The following UBAP2 variants were observed in gnomAD, a reference collection of about 807,000 sequenced individuals.
The protein encoded by UBAP2 is ubiquitin-associated protein 2.
Under a neutral mutation model 139.6 loss-of-function variants are expected in UBAP2, and 75 were observed. That is an observed-to-expected ratio of 0.54 (90% CI 0.45 to 0.65). The LOEUF is 0.65. UBAP2 is among the 30% of genes least tolerant of loss of function. The probability of loss-of-function intolerance (pLI) is 0.00; values close to 1 mark genes in which losing one functional copy is unlikely to be tolerated. For missense variants in UBAP2, 1,368 were observed against 1,369.6 expected (o/e 1.00, Z 0.02); for synonymous variants, 526 against 526.2 (o/e 1.00, Z 0.01).
At chr9:33,984,541 T>A (rs1039572396) in intron 6 of UBAP2, among the ~76,000 whole-genome samples, 6 of 151,136 alleles carry the variant, frequency 4.0e-5, no homozygotes, top group African/African-American at 1.2e-4. Flanking sequence ...CCAGGCATGG[T>A]GGGGCTCATG....
At position 33,954,510 on chromosome 9, in the gene UBAP2, C is replaced by T. The variant is rs375267735; in HGVS notation, c.867-1036G>A. 1.1e-4 allele frequency among the ~76,000 whole-genome samples: 17 copies of T among 152,258 alleles called. No individual in the cohort carries two copies. In the East Asian group the frequency reaches 3.1e-3, roughly 28 times the overall value. Reference sequence around the variant, plus strand: ...TGCCAGATGCACCGTATTACCTAACCTTGTAATGAATGCCATTGAATCCTT... The same window carrying T: ...TGCCAGATGCACCGTATTACCTAACTTTGTAATGAATGCCATTGAATCCTT... On this transcript the variant is annotated intron_variant, in intron 11 of 28. Transcript: ENST00000379238.
intron 6 of UBAP2, 127 bp downstream of exon 6, chr9:33,986,633 G>T: frequency 1.2e-6 from 1 of 814,530 alleles, no homozygotes; most frequent in South Asian, 1.5e-5. Flanking sequence ...GTAAACAAAT[G>T]ATCAGATTTT....
At chr9:33,991,741 T>C (rs1040179509) in intron 4 of UBAP2, among the ~76,000 whole-genome samples, 4 of 152,170 alleles carry the variant, frequency 2.6e-5, no homozygotes, top group African/African-American at 4.8e-5. Context: ...ATGAAAATAC[T>C]AGACAACTGT....
chr9:34,006,743 G>GTTC (rs1823255838), intron 2 of UBAP2, among the ~76,000 whole-genome samples: 1 of 151,978 alleles, frequency 6.6e-6, no homozygotes, highest in East Asian at 1.9e-4. Flanking sequence ...CAAAACTGAT[G>GTTC]TTCTACTCAA....
intron 2 of UBAP2, among the ~76,000 whole-genome samples, chr9:34,009,103 TTTTG>T (rs1379063543): frequency 1.3e-5 from 2 of 150,604 alleles, no homozygotes; most frequent in African/African-American, 4.9e-5. Flanking sequence ...TGGTGTTTTG[TTTTG>T]TTTTTTTTTT....
At chr9:33,942,822 G>A (rs1203553875) in intron 15 of UBAP2, among the ~76,000 whole-genome samples, 1 of 152,118 alleles carries the variant, frequency 6.6e-6, no homozygotes, top group African/African-American at 2.4e-5. Context: ...GCAAACATGT[G>A]GAGAAATTAG....
chr9:34,021,632 ATTTTTT>A (rs60522554), intron 1 of UBAP2, among the ~76,000 whole-genome samples: 2 of 126,776 alleles, frequency 1.6e-5, no homozygotes, highest in Admixed American at 8.3e-5. Context: ...AATCCATTTG[ATTTTTT>A]TTTTTTTTTT....
chr9:33,940,274 T>C (rs1825089404), intron 16 of UBAP2, among the ~76,000 whole-genome samples: 1 of 152,052 alleles, frequency 6.6e-6, no homozygotes, highest in Non-Finnish European at 1.5e-5. Flanking sequence ...CCAAGTAAGA[T>C]GCTGCAAATG....
rs374233416 is a variant in UBAP2 at position 33,926,238 on chromosome 9, A to G, written c.2511+379T>C. Among the ~76,000 whole-genome samples, 6 of 152,230 alleles carry G rather than the reference A, an allele frequency of 3.9e-5. No individual in the cohort carries two copies. In the East Asian group the frequency reaches 1.2e-3, roughly 29 times the overall value. ...CTATATGGTACTCTGAGGAAGAGGA[A>G]GACAGTATAAAACTCCAGGGCCACG... is the stretch of plus-strand genomic sequence containing the variant. On this transcript the variant is annotated intron_variant, in intron 22 of 28. Transcript: ENST00000379238.
intron 8 of UBAP2, among the ~76,000 whole-genome samples, chr9:33,970,966 C>A (rs2131052539): frequency 6.6e-6 from 1 of 152,216 alleles, no homozygotes; most frequent in Non-Finnish European, 1.5e-5. Context: ...CCATGCCCGG[C>A]TAATTTTTTG....
chr9:33,941,578 A>C (rs866252453), intron 16 of UBAP2, 71 bp downstream of exon 16: 3 of 1,288,156 alleles, frequency 2.3e-6, no homozygotes, highest in Middle Eastern at 3.8e-4. Flanking sequence ...TCCAAGAAGC[A>C]TAATTTAACC....
rs535737509 is a variant in UBAP2, at chr9:34,035,359, G to A, written c.-42+13466C>T. Among the ~76,000 whole-genome samples the A allele has an allele frequency of 1.7e-4, 25 of 150,948 alleles. 2 individuals carry two copies. In the South Asian group the frequency reaches 4.4e-3, roughly 27 times the overall value. On this transcript the variant is annotated intron_variant, in intron 1 of 28. Coordinates refer to ENST00000379238, the MANE Select transcript of UBAP2 (RefSeq NM_001370062.2). ...CTCTACAAAAGTACAAAAATTAGCC[G>A]GGCATGATGGCGGGTGCCTGTAATC...
intron 1 of UBAP2, among the ~76,000 whole-genome samples, chr9:34,036,715 G>A (rs567730192): frequency 3.3e-5 from 5 of 152,098 alleles, no homozygotes; most frequent in South Asian, 2.1e-4. Flanking sequence ...TACCATTTGC[G>A]CAGGGAGAAC....
At chr9:34,014,818 A>G (rs1446676927) in intron 2 of UBAP2, among the ~76,000 whole-genome samples, 2 of 151,410 alleles carry the variant, frequency 1.3e-5, no homozygotes, top group Admixed American at 6.6e-5. Context: ...ACTTTTTCCT[A>G]AGTAAATTCA....
chr9:34,013,272 T>A (rs1823929161), intron 2 of UBAP2, among the ~76,000 whole-genome samples: 1 of 151,744 alleles, frequency 6.6e-6, no homozygotes, highest in Admixed American at 6.6e-5. Context: ...TCTCACCACC[T>A]GCTGCAGTGG....
intron 3 of UBAP2, 28 bp downstream of exon 3, chr9:33,998,759 A>G: frequency 6.3e-7 from 1 of 1,581,506 alleles, no homozygotes; most frequent in Non-Finnish European, 8.6e-7. Flanking sequence ...GATTATAAAA[A>G]TGATGATATC....
chr9:34,030,443 C>A (rs1825795213), intron 1 of UBAP2, among the ~76,000 whole-genome samples: 1 of 149,752 alleles, frequency 6.7e-6, no homozygotes, highest in Admixed American at 6.7e-5. Context: ...AGCCAGATTC[C>A]ATCTCAAAAA....
In UBAP2 at chr9:33,997,139, C is replaced by T. The variant is rs1587633371; in HGVS notation, c.178-806G>A. ...TCTGCTACTATCACAAAACACACTC[C>T]TAGACATATTTTCTCAAGGATCTTC... On this transcript the variant is annotated intron_variant, in intron 3 of 28. Transcript: ENST00000379238. The T allele has an allele frequency of 2.6e-5, 4 of 152,234 alleles. No individual in the cohort carries two copies. The South Asian group carries it at 8.3e-4, about 32-fold the overall frequency. The allele number at this position is 152,234 out of a possible 1,614,324, so 9.4% of individuals were successfully genotyped here. A position where few individuals can be genotyped will look rare whatever the true frequency, so the allele number is the denominator to read the frequency against.
chr9:33,953,657 AG>A (rs1449890825), intron 11 of UBAP2, among the ~76,000 whole-genome samples, 183 bp from the exon 12 acceptor site: 4 of 152,346 alleles, frequency 2.6e-5, no homozygotes, highest in African/African-American at 7.2e-5. Context: ...ACCAAGCCAC[AG>A]AGACTGAAGC....
Sources: allele counts gnomAD v4.1 joint callset (sites outside exome capture counted in the v4.1 genomes callset), GRCh38; gene constraint gnomAD v4.1.1; transcripts MANE v1.5; gene names NCBI Gene and HGNC (gene_info 2026-07-23, HGNC 2026-07-21).